The following ANGEL1 variants were observed in gnomAD, a reference collection of about 807,000 sequenced individuals.
The protein encoded by ANGEL1 is angel homolog 1.
Under a neutral mutation model 76.4 loss-of-function variants are expected in ANGEL1, and 62 were observed. The ratio of observed to expected loss-of-function variants is 0.81; its 90% confidence interval spans 0.66 to 1.00. The LOEUF (loss-of-function observed/expected upper bound fraction) is 1.00, where lower values mean the gene tolerates loss of function less well. ANGEL1 is among the 50% of genes least tolerant of loss of function. The pLI is 0.00. For missense variants in ANGEL1, 737 were observed against 836.7 expected, an observed-to-expected ratio of 0.88 and a Z score of 1.47; for synonymous variants, 340 against 331.7, an observed-to-expected ratio of 1.03 and a Z score of -0.27.
At position 76,799,822 on chromosome 14, in the gene ANGEL1, C is replaced by G. The variant is rs1459727521; in HGVS notation, c.1618+3549G>C. Among the ~76,000 whole-genome samples the G allele has an allele frequency of 2.0e-5, 3 of 150,626 alleles. No homozygotes were observed. The South Asian group carries it at 6.3e-4, about 32-fold the overall frequency. ...GGAAGGTTGAGGTGGGAGGATCACA[C>G]GAGCCTAGGAGATCAAGGCTACACA... is the stretch of plus-strand genomic sequence containing the variant. On this transcript the variant is annotated intron_variant, in intron 7 of 9. Coordinates refer to ENST00000251089, the MANE Select transcript of ANGEL1 (RefSeq NM_015305.4).
intron 7 of ANGEL1, among the ~76,000 whole-genome samples, chr14:76,797,264 T>A (rs1442971445): frequency 6.6e-6 from 1 of 152,158 alleles, no homozygotes; most frequent in Non-Finnish European, 1.5e-5. Context: ...TGTAGGCTTG[T>A]TAAAAAACAA....
chr14:76,798,742 G>A (rs192869937), intron 7 of ANGEL1, among the ~76,000 whole-genome samples: 2 of 152,120 alleles, frequency 1.3e-5, no homozygotes, highest in Admixed American at 1.3e-4. Context: ...GAGGCCAGGA[G>A]TTCAAGACCA....
intron 3 of ANGEL1, 103 bp from the exon 4 acceptor site, chr14:76,807,605 C>A (rs1341486932): frequency 3.6e-6 from 4 of 1,117,532 alleles, no homozygotes; most frequent in South Asian, 1.3e-5. Context: ...CTGGGTCACA[C>A]TGAAACTTCC....
At chr14:76,798,831 C>G (rs1369708872) in intron 7 of ANGEL1, among the ~76,000 whole-genome samples, 1 of 151,706 alleles carries the variant, frequency 6.6e-6, no homozygotes, top group African/African-American at 2.4e-5. Context: ...GTCTGTAATC[C>G]CAGCTACTGG....
rs543720039 is a variant in ANGEL1 at position 76,789,059 on chromosome 14, C to T, written c.*169G>A. ...TGGGGCAAGGACCACAGGCAGAGAA[C>T]GCAGCCAGGCCTGGAGAAAGTCTAA... On this transcript the variant is annotated 3_prime_UTR_variant, in exon 10 of 10. Transcript: ENST00000251089. 94 of 907,284 alleles carry T rather than the reference C, an allele frequency of 1.0e-4. No individual in the cohort carries two copies. Among genetic ancestry groups the T allele is most frequent in the Non-Finnish European group, 1.4e-4 (86 of 601,524 alleles). The allele number at this position is 907,284 out of a possible 1,614,324, so 56.2% of individuals were successfully genotyped here. A position where few individuals can be genotyped will look rare whatever the true frequency, so the allele number is the denominator to read the frequency against.
intron 3 of ANGEL1, 41 bp from the exon 4 acceptor site, chr14:76,807,543 G>GA: frequency 6.2e-7 from 1 of 1,600,322 alleles, no homozygotes; most frequent in South Asian, 1.1e-5. Context: ...CAGAGTGCTG[G>GA]AATGTGACCC....
intron 5 of ANGEL1, among the ~76,000 whole-genome samples, chr14:76,805,336 GT>G (rs1437979339): frequency 1.3e-5 from 2 of 152,204 alleles, no homozygotes; most frequent in Non-Finnish European, 2.9e-5. Flanking sequence ...AACAGTGCCT[GT>G]CATGTGGCAG....
At position 76,790,780 on chromosome 14, in the gene ANGEL1, G is replaced by A; in HGVS notation, c.1689-6C>T. The A allele has an allele frequency of 1.9e-6, 3 of 1,575,152 alleles. No homozygotes were observed. The highest frequency in any genetic ancestry group is 2.3e-5 in the South Asian group (2 of 87,148). ...GCTGGATGGTACCTACAGTCCTACA[G>A]GGATGAAGGGGGAAACATTAGTTAA... is the stretch of plus-strand genomic sequence containing the variant. On this transcript the variant is annotated splice_region_variant and splice_polypyrimidine_tract_variant and intron_variant, in intron 8 of 9. Transcript: ENST00000251089.
chr14:76,811,860 A>C (rs779433200), intron 1 of ANGEL1, among the ~76,000 whole-genome samples: 1 of 152,224 alleles, frequency 6.6e-6, no homozygotes, highest in Non-Finnish European at 1.5e-5. Flanking sequence ...AAATATTTCT[A>C]TATGAAATAT....
chr14:76,808,025 A>C lies in ANGEL1; in HGVS notation c.773T>G (p.Met258Arg). ...TAGATAGAGCTCTGAGCTCTGCTGC[A>C]TCAGGTCCTGAGCCAGGATGTTATA... ...MSYNILAQDLMQQSSELYLHC... is the reference protein window; with the variant it reads ...MSYNILAQDLRQQSSELYLHC... The change falls in exon 3 of 10, where the codon ATG becomes AGG. Residue 258 changes from methionine (M) to arginine (R), a missense_variant. Met to Arg is a moderately conservative substitution (Grantham distance 91, BLOSUM62 -1). Transcript: ENST00000251089. The C allele has an allele frequency of 6.2e-7, 1 of 1,614,226 alleles. No homozygotes were observed. Among genetic ancestry groups the C allele is most frequent in the Non-Finnish European group, 8.5e-7 (1 of 1,180,046 alleles).
intron 7 of ANGEL1, among the ~76,000 whole-genome samples, chr14:76,793,436 GA>G (rs1406796643): frequency 7.2e-4 from 45 of 62,312 alleles, no homozygotes; most frequent in South Asian, 1.5e-3. Context: ...GGAGGAGGAG[GA>G]GGAGGGGAGG....
Position 76,806,707 on chromosome 14 carries a change from A to G in ANGEL1, c.1089T>C (p.Asn363=). The G allele has an allele frequency of 1.2e-6, 2 of 1,613,984 alleles. No homozygotes were observed. Among genetic ancestry groups the G allele is most frequent in the Non-Finnish European group, 1.7e-6 (2 of 1,180,014 alleles). ...RPGLELLNRD[N]VGLVLLLQPL... ...GTTGCAGTAGCAACACTAAGCCCAC[A>G]TTATCCCGATTAAGTAGCTCCAAGC... Residue 363 remains asparagine (N), a synonymous_variant, in exon 5 of 10, where the codon AAT becomes AAC. Transcript: ENST00000251089.
chr14:76,808,351 C>T (rs561847040), intron 2 of ANGEL1, among the ~76,000 whole-genome samples: 1 of 152,328 alleles, frequency 6.6e-6, no homozygotes, highest in East Asian at 1.9e-4. Flanking sequence ...ACAATCTTGG[C>T]CTGCTCACCA....
chr14:76,803,395 C>T lies in ANGEL1; in HGVS notation c.1594G>A (p.Glu532Lys). ...CCTGGCTTAGTATCTGTCACTCCTT[C>T]CATAAGGACCAGTCCTACTGGTCGC... is the stretch of plus-strand genomic sequence containing the variant. ...CQRPVGLVLMEGVTDTKPERP... is the reference protein window; with the variant it reads ...CQRPVGLVLMKGVTDTKPERP... Residue 532 changes from glutamate (E) to lysine (K), a missense_variant, in exon 7 of 10, where the codon GAA becomes AAA. By Grantham distance (56) the Glu-to-Lys change is moderately conservative (BLOSUM62 1). This residue lies in a region of ANGEL1 where 296 missense variants were observed against 387.2 expected (regional missense o/e 0.76). Transcript: ENST00000251089. The T allele has an allele frequency of 6.2e-7, 1 of 1,614,186 alleles. No individual in the cohort carries two copies. Among genetic ancestry groups the T allele is most frequent in the Non-Finnish European group, 8.5e-7 (1 of 1,180,002 alleles).
intron 7 of ANGEL1, among the ~76,000 whole-genome samples, chr14:76,797,238 T>A (rs1894607073): frequency 6.6e-6 from 1 of 152,318 alleles, no homozygotes; most frequent in Middle Eastern, 3.4e-3. Context: ...ACTTTCCTGC[T>A]CTTTATGATG....
chr14:76,809,511 T>C lies in ANGEL1; in HGVS notation c.197A>G (p.Glu66Gly), dbSNP rs759661009. ...TGAGAGCACCTGGCTCAACCCTTCT[T>C]CTCGCCACTGCTGCAGCAGGCCCTC... ...ECEGLLQQWR[E>G]EGLSQVLSTA... Residue 66 changes from glutamate (E) to glycine (G), a missense_variant, in exon 2 of 10, where the codon GAA becomes GGA. Transcript: ENST00000251089. The C allele has an allele frequency of 1.2e-5, 19 of 1,614,052 alleles. No homozygotes were observed. The highest frequency in any genetic ancestry group is 1.6e-5 in the Non-Finnish European group (19 of 1,180,026).
At chr14:76,801,334 A>C (rs1336657460) in intron 7 of ANGEL1, among the ~76,000 whole-genome samples, 4 of 150,998 alleles carry the variant, frequency 2.6e-5, no homozygotes, top group Admixed American at 6.6e-5. Context: ...CTGGTCTCAA[A>C]CTCCTGGGCT....
intron 2 of ANGEL1, among the ~76,000 whole-genome samples, chr14:76,808,733 C>T (rs1836631421): frequency 6.6e-6 from 1 of 152,200 alleles, no homozygotes; most frequent in Non-Finnish European, 1.5e-5. Flanking sequence ...TCTATCCCTA[C>T]CTCCAGAAAG....
In ANGEL1 at chr14:76,807,428, A is replaced by AT. The variant is rs1240194611; in HGVS notation, c.946+4dup. Reference sequence around the variant, plus strand: ...GCTGGCAAGCATCCCAGGGAGCTGCATTACCCATCATTCGCAGAGAGGGTT... The same window carrying AT: ...GCTGGCAAGCATCCCAGGGAGCTGCATTTACCCATCATTCGCAGAGAGGGTT... On this transcript the variant is annotated splice_donor_region_variant and intron_variant, in intron 4 of 9. Coordinates refer to ENST00000251089, the MANE Select transcript of ANGEL1 (RefSeq NM_015305.4). 1 of 1,610,770 alleles carries AT rather than the reference A, an allele frequency of 6.2e-7. No individual in the cohort carries two copies. Among genetic ancestry groups the AT allele is most frequent in the Non-Finnish European group, 8.5e-7 (1 of 1,178,328 alleles).
Sources: allele counts gnomAD v4.1 joint callset (sites outside exome capture counted in the v4.1 genomes callset), GRCh38; gene constraint gnomAD v4.1.1; regional missense constraint gnomAD v4.1.1; transcripts MANE v1.5; gene names NCBI Gene and HGNC (gene_info 2026-07-23, HGNC 2026-07-21).